The following C5orf34 variants were observed in gnomAD, a reference collection of about 807,000 sequenced individuals.
C5orf34 encodes the protein chromosome 5 open reading frame 34.
In C5orf34, 73 loss-of-function variants were observed where a neutral mutation model predicts 78.4. The observed-to-expected ratio is 0.93, with a 90% CI of 0.77 to 1.13. The LOEUF (loss-of-function observed/expected upper bound fraction) is 1.13. Among genes scored for constraint, C5orf34 ranks in the 50% most tolerant of loss-of-function variants. The pLI, the probability that C5orf34 is intolerant of heterozygous loss-of-function variation, is 0.00. For synonymous variants in C5orf34, 251 were observed against 246.6 expected, an observed-to-expected ratio of 1.02 and a Z score of -0.17; for missense variants, 730 against 732.7, an observed-to-expected ratio of 1.00 and a Z score of 0.04.
Position 43,515,043 on chromosome 5 carries a change from A to C in C5orf34, c.-274T>G, listed in dbSNP as rs969912696. 6.6e-6 allele frequency: 1 copy of C among 152,300 alleles called. No individual in the cohort carries two copies. The highest frequency in any genetic ancestry group is 6.5e-5 in the Admixed American group (1 of 15,284). 9.4% of individuals were successfully genotyped at this position (152,300 alleles called of 1,614,324 possible). ...TTGGCCAAGATGCCCGCCACGAAAC[A>C]GGAAAGCGGAGACAGCGCCAACTGT... On this transcript the variant is annotated 5_prime_UTR_variant, in exon 1 of 13. Coordinates refer to ENST00000306862, the MANE Select transcript of C5orf34 (RefSeq NM_198566.4).
Position 43,506,127 on chromosome 5 carries a change from T to G in C5orf34, c.553A>C (p.Asn185His), listed in dbSNP as rs766677856. The change falls in exon 4 of 13, where the codon AAT becomes CAT. Residue 185 changes from asparagine (N) to histidine (H), a missense_variant. Asn to His is a moderately conservative substitution (Grantham distance 68). Transcript: ENST00000306862. ...TTCTTCAGTCTCTGTCCTGGTAAAT[T>G]TCCACGTATACAGATTTTGCCAGTT... Reference protein sequence around the residue: ...EKTGKICIRGNLPGQRLKNKE... With the variant: ...EKTGKICIRGHLPGQRLKNKE... 1.9e-6 allele frequency: 3 copies of G among 1,614,106 alleles called. No individual in the cohort carries two copies. The highest frequency in any genetic ancestry group is 3.3e-5 in the Admixed American group (2 of 60,000).
In C5orf34 at chr5:43,514,810, G is replaced by A. The variant is rs1746414884; in HGVS notation, c.-41C>T. 2.0e-5 allele frequency: 3 copies of A among 152,220 alleles called. No homozygotes were observed. The highest frequency in any genetic ancestry group is 4.4e-5 in the Non-Finnish European group (3 of 68,050). 9.4% of individuals were successfully genotyped at this position (152,220 alleles called of 1,614,324 possible). A position where few individuals can be genotyped will look rare whatever the true frequency, so the allele number is the denominator to read the frequency against. Reference sequence around the variant, plus strand: ...CACCAAAAGTCTTCCACTCACAGCAGTTCGGAGCCGAAAAGTTGCGGAAAT... The same window carrying A: ...CACCAAAAGTCTTCCACTCACAGCAATTCGGAGCCGAAAAGTTGCGGAAAT... On this transcript the variant is annotated 5_prime_UTR_variant, in exon 1 of 13. Transcript: ENST00000306862.
At chr5:43,504,077 C>A (rs1019710990) in intron 4 of C5orf34, among the ~76,000 whole-genome samples, 21 of 152,214 alleles carry the variant, frequency 1.4e-4, no homozygotes, top group African/African-American at 4.6e-4. Context: ...CTTTGGGAGG[C>A]CAAGGCGGGC....
intron 8 of C5orf34, among the ~76,000 whole-genome samples, chr5:43,493,123 A>G (rs1407881058): frequency 6.6e-6 from 1 of 151,382 alleles, no homozygotes; most frequent in Non-Finnish European, 1.5e-5. Flanking sequence ...TACATCCATT[A>G]TAGACAAAAA....
At chr5:43,491,276 GAAA>G (rs1745269002) in intron 10 of C5orf34, among the ~76,000 whole-genome samples, 1 of 152,128 alleles carries the variant, frequency 6.6e-6, no homozygotes, top group Non-Finnish European at 1.5e-5. Flanking sequence ...GTTTGCTAAA[GAAA>G]CTATCTTTTT....
At chr5:43,510,731 A>G (rs1469506180) in intron 1 of C5orf34, among the ~76,000 whole-genome samples, 2 of 152,174 alleles carry the variant, frequency 1.3e-5, no homozygotes, top group African/African-American at 2.4e-5. Context: ...ACAGAGTCTC[A>G]TTCACTCAGT....
chr5:43,505,936 T>C lies in C5orf34; in HGVS notation c.744A>G (p.Pro248=), dbSNP rs1018087788. The stretch of plus-strand genomic sequence containing the variant: ...AAGACAAAGGATATTTCCATTCCTC[T>C]GGACAGGCAGCCACAGACCAGCACT... ...VKQCWSVAAC[P]EEWKYPLSLA... The change falls in exon 4 of 13, where the codon CCA becomes CCG. Residue 248 remains proline (P), a synonymous_variant. Transcript: ENST00000306862. 2 of 1,614,192 alleles carry C rather than the reference T, an allele frequency of 1.2e-6. No homozygotes were observed. The highest frequency in any genetic ancestry group is 1.7e-5 in the Admixed American group (1 of 60,032).
rs139034792 is a variant in C5orf34, at chr5:43,494,516, G to T, written c.1238C>A (p.Ala413Glu). The T allele has an allele frequency of 1.5e-4, 235 of 1,598,000 alleles. 2 individuals are homozygous for T. The African/African-American group carries it at 2.8e-3, about 19-fold the overall frequency. The change falls in exon 7 of 13, where the codon GCA (alanine) becomes GAA (glutamate). Residue 413 changes from alanine (A) to glutamate (E), a missense_variant. Ala to Glu is a moderately radical substitution (Grantham distance 107). Transcript: ENST00000306862. ...TTGAATGGGAAGAACTTACCTTGTT[G>T]CCTGTTTAATTAGAGAACCGACAGT... ...PFTVGSLIKQ[A>E]TRILQHCVKM...
At chr5:43,498,142 C>A (rs1184354552) in intron 6 of C5orf34, among the ~76,000 whole-genome samples, 2 of 152,188 alleles carry the variant, frequency 1.3e-5, no homozygotes, top group Non-Finnish European at 2.9e-5. Context: ...TGTTAGAATG[C>A]AGCTCCATGA....
Position 43,495,371 on chromosome 5 carries a change from C to T in C5orf34, c.1153-770G>A, listed in dbSNP as rs907508091. On this transcript the variant is annotated intron_variant, in intron 6 of 12. Coordinates refer to ENST00000306862, the MANE Select transcript of C5orf34 (RefSeq NM_198566.4). ...CTTGCATGCAATGTGAGCCGCGTGG[C>T]AATCCAATATAGGGGCATAGCCAGC... The T allele has an allele frequency of 2.2e-5, 35 of 1,611,714 alleles. No homozygotes were observed. In the African/African-American group the frequency reaches 4.0e-4, roughly 18 times the overall value.
intron 1 of C5orf34, among the ~76,000 whole-genome samples, chr5:43,513,846 A>G (rs996550644): frequency 6.6e-6 from 1 of 152,180 alleles, no homozygotes; most frequent in Non-Finnish European, 1.5e-5. Flanking sequence ...TCCCTCTTCA[A>G]GTTTTTTCTT....
chr5:43,500,777 T>G (rs991600016), intron 6 of C5orf34, among the ~76,000 whole-genome samples: 7 of 152,254 alleles, frequency 4.6e-5, no homozygotes, highest in Non-Finnish European at 1.0e-4. Flanking sequence ...TTCTGTATTC[T>G]ACTTAACAAG....
At chr5:43,491,275 A>ACATT (rs1745268725) in intron 10 of C5orf34, among the ~76,000 whole-genome samples, 1 of 152,242 alleles carries the variant, frequency 6.6e-6, no homozygotes, top group Non-Finnish European at 1.5e-5. Flanking sequence ...TGTTTGCTAA[A>ACATT]GAAACTATCT....
chr5:43,499,493 AAAT>A (rs1406379909), intron 6 of C5orf34, among the ~76,000 whole-genome samples: 1 of 152,186 alleles, frequency 6.6e-6, no homozygotes, highest in Admixed American at 6.5e-5. Flanking sequence ...ATTATACAAT[AAAT>A]AATACATTAA....
intron 6 of C5orf34, chr5:43,495,411 G>T (rs1243824006): frequency 5.0e-6 from 8 of 1,611,616 alleles, no homozygotes; most frequent in Admixed American, 1.7e-5. Flanking sequence ...ATTTGGCCTG[G>T]ATGGTTCAGG....
chr5:43,496,598 T>C (rs1745540515), intron 6 of C5orf34: 4 of 413,770 alleles, frequency 9.7e-6, no homozygotes, highest in Non-Finnish European at 1.6e-5. Flanking sequence ...TTTTTTTTTT[T>C]TTTTTTTGGA....
In C5orf34 at chr5:43,494,555, G is replaced by C. The variant is rs371853399; in HGVS notation, c.1199C>G (p.Pro400Arg). The C allele has an allele frequency of 3.1e-6, 5 of 1,607,590 alleles. No individual in the cohort carries two copies. The highest frequency in any genetic ancestry group is 4.3e-6 in the Non-Finnish European group (5 of 1,175,924). Residue 400 changes from proline to arginine, a missense_variant, in exon 7 of 13, where the codon CCG (proline) becomes CGG (arginine). By Grantham distance (103) the Pro-to-Arg change is moderately radical (BLOSUM62 -2). Transcript: ENST00000306862. ...AGAACCGACAGTGAATGGACTTCCC[G>C]GTCTATCTGGAGGAAGGTTATTTAC... Reference protein sequence around the residue: ...YSVNNLPPDRPGSPFTVGSLI... With the variant: ...YSVNNLPPDRRGSPFTVGSLI...
chr5:43,506,008 C>A lies in C5orf34; in HGVS notation c.672G>T (p.Leu224=). The change falls in exon 4 of 13, where the codon CTG becomes CTT. Residue 224 remains leucine (L), a synonymous_variant. Coordinates refer to ENST00000306862, the MANE Select transcript of C5orf34 (RefSeq NM_198566.4). ...CVNGTEGREE[L]PSPGTKHTCV... is the part of the protein sequence containing the mutation. Reference sequence around the variant, plus strand: ...ATGTGTGCTTTGTACCAGGCGAAGGCAGCTCTTCCCTCCCTTCAGTTCCAT... The same window carrying A: ...ATGTGTGCTTTGTACCAGGCGAAGGAAGCTCTTCCCTCCCTTCAGTTCCAT... The A allele has an allele frequency of 1.2e-6, 2 of 1,614,186 alleles. No individual in the cohort carries two copies. The highest frequency in any genetic ancestry group is 1.7e-6 in the Non-Finnish European group (2 of 1,180,036).
chr5:43,508,046 C>T (rs1579879615), intron 3 of C5orf34, among the ~76,000 whole-genome samples: 1 of 147,858 alleles, frequency 6.8e-6, no homozygotes, highest in African/African-American at 2.5e-5. Context: ...CCACTGCACT[C>T]CAGCCCTGGC....
Sources: allele counts gnomAD v4.1 joint callset (sites outside exome capture counted in the v4.1 genomes callset), GRCh38; gene constraint gnomAD v4.1.1; transcripts MANE v1.5; gene names NCBI Gene and HGNC (gene_info 2026-07-23, HGNC 2026-07-21).